The following ARHGEF17 variants were observed in gnomAD, a reference collection of about 807,000 sequenced individuals.
The protein encoded by ARHGEF17 is 164 kDa Rho-specific guanine-nucleotide exchange factor.
ARHGEF17 carries 80 observed loss-of-function variants against 174.0 expected under a neutral mutation model. That is an observed-to-expected ratio of 0.46 (90% CI 0.38 to 0.55). ARHGEF17 has a LOEUF of 0.55. Among genes scored for constraint, ARHGEF17 ranks in the 20% least tolerant of loss-of-function variants. The pLI is 0.00. For synonymous variants in ARHGEF17, 1,311 were observed against 1,189.1 expected, an observed-to-expected ratio of 1.10 and a Z score of -2.11; for missense variants, 2,886 against 2,839.7, an observed-to-expected ratio of 1.02 and a Z score of -0.37.
chr11:73,362,303 A>G (rs778829780), intron 13 of ARHGEF17, 64 bp downstream of exon 13: 295 of 1,457,420 alleles, frequency 2.0e-4, no homozygotes, highest in Non-Finnish European at 2.6e-4. Context: ...CTGTCCCAGC[A>G]CACTCTCAGG....
chr11:73,326,239 C>T (rs770938684), intron 1 of ARHGEF17, among the ~76,000 whole-genome samples: 1 of 152,136 alleles, frequency 6.6e-6, no homozygotes, highest in African/African-American at 2.4e-5. Flanking sequence ...GAAGGACTAG[C>T]CAGACCTTGA....
chr11:73,365,863 G>A lies in ARHGEF17; in HGVS notation c.5911G>A (p.Gly1971Ser), dbSNP rs1283214863. The A allele has an allele frequency of 3.1e-6, 5 of 1,611,988 alleles. No individual in the cohort carries two copies. Among genetic ancestry groups the A allele is most frequent in the South Asian group, 1.1e-5 (1 of 91,078 alleles). Residue 1971 changes from glycine (G) to serine (S), a missense_variant, in exon 20 of 21, where the codon GGC becomes AGC. Gly to Ser is a moderately conservative substitution (Grantham distance 56). Around this residue, in one of 4 missense-constraint regions of ARHGEF17, gnomAD observed 329 missense variants for 435.2 expected, o/e 0.76. Transcript: ENST00000263674. This position sits in a 1 kb window ranked among gnomAD's most constrained non-coding sequence, Gnocchi z 4.9. The stretch of plus-strand genomic sequence containing the variant: ...CACAGGCCTCGGCCAGGGACACACC[G>A]GCCACGTCCGCTTCTTGGCTGCAGT... ...SPTGLGQGHT[G>S]HVRFLAAVQL... is the part of the protein sequence containing the mutation.
chr11:73,352,917 C>T lies in ARHGEF17; in HGVS notation c.3358C>T (p.Leu1120Phe). ...VDEIFDQIPE[L>F]LEHHEQFLEQ... ...CGAGATCTTCGACCAGATCCCCGAG[C>T]TCCTGGAGCACCACGAGCAATTCCT... The change falls in exon 3 of 21, where the codon CTC (leucine) becomes TTC (phenylalanine). Residue 1120 changes from leucine (L) to phenylalanine (F), a missense_variant. Leu to Phe is a conservative substitution (Grantham distance 22). Transcript: ENST00000263674. 6.2e-7 allele frequency: 1 copy of T among 1,614,158 alleles called. No individual in the cohort carries two copies. Among genetic ancestry groups the T allele is most frequent in the Non-Finnish European group, 8.5e-7 (1 of 1,180,034 alleles).
In ARHGEF17 at chr11:73,362,112, G is replaced by A. The variant is rs769514298; in HGVS notation, c.4567G>A (p.Gly1523Ser). 6 of 1,612,326 alleles carry A rather than the reference G, an allele frequency of 3.7e-6. No individual in the cohort carries two copies. In the Admixed American group the frequency reaches 5.0e-5, roughly 13 times the overall value. ...SPEVWVCNSD[G>S]YVGQVCLLSL... is the part of the protein sequence containing the mutation. ...TGAGGTATGGGTCTGCAACAGCGAC[G>A]GCTACGTGGGCCAGGTGTGCCTGCT... is the stretch of plus-strand genomic sequence containing the variant. Residue 1523 changes from glycine to serine, a missense_variant, in exon 13 of 21, where the codon GGC (glycine) becomes AGC (serine). Coordinates refer to ENST00000263674, the MANE Select transcript of ARHGEF17 (RefSeq NM_014786.4).
chr11:73,342,124 G>A (rs1865379647), intron 1 of ARHGEF17, among the ~76,000 whole-genome samples: 1 of 151,360 alleles, frequency 6.6e-6, no homozygotes, highest in Non-Finnish European at 1.5e-5. Context: ...AGGGGTGGGA[G>A]CACAGTCTAG....
In ARHGEF17 at chr11:73,359,943, C is replaced by T. The variant is rs1222904447; in HGVS notation, c.4197C>T (p.Phe1399=). The change falls in exon 10 of 21, where the codon TTC becomes TTT. Residue 1399 remains phenylalanine (F), a synonymous_variant. Transcript: ENST00000263674. ...GCAAGCTCTCTGAGAGCCTTGGTTT[C>T]CCCCACCAGGTCTGTGCCCTCTGCC... The part of the protein sequence containing the change: ...QMSKLSESLG[F]PHQSLDDALR... The T allele has an allele frequency of 6.2e-7, 1 of 1,609,164 alleles. No individual in the cohort carries two copies. Among genetic ancestry groups the T allele is most frequent in the Non-Finnish European group, 8.5e-7 (1 of 1,177,636 alleles).
intron 1 of ARHGEF17, among the ~76,000 whole-genome samples, chr11:73,326,303 C>A (rs1287743999): frequency 1.3e-5 from 2 of 152,080 alleles, no homozygotes; most frequent in Non-Finnish European, 2.9e-5. Flanking sequence ...AAGGTAGAGG[C>A]CTGTGATGGA....
At chr11:73,343,012 T>C (rs1298482078) in intron 1 of ARHGEF17, 3 of 249,248 alleles carry the variant, frequency 1.2e-5, no homozygotes, top group Non-Finnish European at 2.3e-5. Context: ...CGACCGCCAC[T>C]GCGGCTGCCG....
At position 73,309,326 on chromosome 11, in the gene ARHGEF17, T is replaced by A; in HGVS notation, c.688T>A (p.Ser230Thr). The change falls in exon 1 of 21, where the codon TCC (serine) becomes ACC (threonine). Residue 230 changes from serine to threonine, a missense_variant. Transcript: ENST00000263674. ...FSQPQAGARA[S>T]CSSSSIAASY... ...CCAACCGCAGGCCGGGGCCCGGGCCTCCTGCTCCTCCTCCTCCATCGCCGC... is the reference window on the plus strand; with the variant it reads ...CCAACCGCAGGCCGGGGCCCGGGCCACCTGCTCCTCCTCCTCCATCGCCGC... 1 of 1,588,468 alleles carries A rather than the reference T, an allele frequency of 6.3e-7. No homozygotes were observed. The highest frequency in any genetic ancestry group is 8.5e-7 in the Non-Finnish European group (1 of 1,176,238).
In ARHGEF17 at chr11:73,309,321, G is replaced by A. The variant is rs780912496; in HGVS notation, c.683G>A (p.Arg228Gln). The change falls in exon 1 of 21, where the codon CGG becomes CAG. Residue 228 changes from arginine (R) to glutamine (Q), a missense_variant. By Grantham distance (43) the Arg-to-Gln change is conservative. Transcript: ENST00000263674. ...TTCTCCCAACCGCAGGCCGGGGCCC[G>A]GGCCTCCTGCTCCTCCTCCTCCATC... is the stretch of plus-strand genomic sequence containing the variant. ...HIFSQPQAGARASCSSSSIAA... is the reference protein window; with the variant it reads ...HIFSQPQAGAQASCSSSSIAA... 6 of 1,595,198 alleles carry A rather than the reference G, an allele frequency of 3.8e-6. No homozygotes were observed. In the South Asian group the frequency reaches 6.6e-5, roughly 18 times the overall value.
rs1338411438 is a variant in ARHGEF17 at position 73,365,401 on chromosome 11, C to T, written c.5562C>T (p.Tyr1854=). Residue 1854 remains tyrosine (Y), a synonymous_variant, in exon 19 of 21, where the codon TAC becomes TAT. Coordinates refer to ENST00000263674, the MANE Select transcript of ARHGEF17 (RefSeq NM_014786.4). The surrounding 1 kb of genome is among the most constrained non-coding windows in gnomAD (Gnocchi z 4.9). ...PDTLQLEHMF[Y]VGQDSSRCVA... ...CCCGCCTTCCCCAGCACATGTTTTA[C>T]GTGGGTCAGGATTCAAGCCGCTGCG... The T allele has an allele frequency of 6.2e-6, 10 of 1,613,924 alleles. No homozygotes were observed. Among genetic ancestry groups the T allele is most frequent in the East Asian group, 2.2e-5 (1 of 44,886 alleles).
rs116657863 is a variant in ARHGEF17, at chr11:73,329,087, G to A, written c.3192+17257G>A. On this transcript the variant is annotated intron_variant, in intron 1 of 20. Coordinates refer to ENST00000263674, the MANE Select transcript of ARHGEF17 (RefSeq NM_014786.4). Reference sequence around the variant, plus strand: ...AATAGATGATATATTCACATGGTTAGGAAAAATCCAAAAGGATAAAAAGTC... The same window carrying A: ...AATAGATGATATATTCACATGGTTAAGAAAAATCCAAAAGGATAAAAAGTC... Among the ~76,000 whole-genome samples the A allele has an allele frequency of 5.2e-3, 789 of 151,472 alleles. 7 individuals carry two copies. The highest frequency in any genetic ancestry group is 0.018 in the African/African-American group (760 of 41,202).
chr11:73,329,195 T>C (rs1865151033), intron 1 of ARHGEF17, among the ~76,000 whole-genome samples: 1 of 150,582 alleles, frequency 6.6e-6, no homozygotes, highest in Non-Finnish European at 1.5e-5. Context: ...TCCTTTTATC[T>C]GCAAACACCA....
At position 73,321,388 on chromosome 11, in the gene ARHGEF17, G is replaced by A. The variant is rs542518904; in HGVS notation, c.3192+9558G>A. On this transcript the variant is annotated intron_variant, in intron 1 of 20. Coordinates refer to ENST00000263674, the MANE Select transcript of ARHGEF17 (RefSeq NM_014786.4). ...ATCAAAGCTGCCCCTCACTGGAAGCGGCCTGTGAAGTGGGGCTCAGTGAGT... is the reference window on the plus strand; with the variant it reads ...ATCAAAGCTGCCCCTCACTGGAAGCAGCCTGTGAAGTGGGGCTCAGTGAGT... Among the ~76,000 whole-genome samples the A allele has an allele frequency of 2.2e-4, 33 of 152,340 alleles. 1 individual carries two copies. In the South Asian group the frequency reaches 6.0e-3, roughly 28 times the overall value.
chr11:73,363,611 G>A, intron 15 of ARHGEF17, 136 bp from the exon 16 acceptor site: 1 of 1,491,958 alleles, frequency 6.7e-7, no homozygotes, highest in East Asian at 2.3e-5. Context: ...CAATCCCAGG[G>A]AGGCTGTGGG....
chr11:73,315,742 C>G (rs1408540866), intron 1 of ARHGEF17, among the ~76,000 whole-genome samples: 2 of 152,174 alleles, frequency 1.3e-5, no homozygotes, highest in Non-Finnish European at 2.9e-5. Flanking sequence ...AGGGCCTGGG[C>G]TCTTGGGGGG....
intron 13 of ARHGEF17, 61 bp from the exon 14 acceptor site, chr11:73,362,372 T>A: frequency 6.8e-7 from 1 of 1,464,288 alleles, no homozygotes; most frequent in South Asian, 1.4e-5. Context: ...GGTGGGCGTG[T>A]CCACCACCGG....
chr11:73,361,445 G>A lies in ARHGEF17; in HGVS notation c.4494+284G>A, dbSNP rs183608384. 1.0e-3 allele frequency among the ~76,000 whole-genome samples: 156 copies of A among 152,302 alleles called. 1 individual carries two copies. Among genetic ancestry groups the A allele is most frequent in the African/African-American group, 3.7e-3 (152 of 41,550 alleles). On this transcript the variant is annotated intron_variant, in intron 12 of 20. Transcript: ENST00000263674. ...TGCTTGTATGAGGCTGCATACATAT[G>A]TACAGAGGTTACCAGCATCACATTT...
chr11:73,356,299 G>T lies in ARHGEF17; in HGVS notation c.3788G>T (p.Arg1263Leu). ...GTGCGGAGTGCCGAGGAGGCGGAGC[G>T]CCATGCCCGTGTGCTGCAGGAGATA... Reference protein sequence around the residue: ...KGVRSAEEAERHARVLQEIEA... With the variant: ...KGVRSAEEAELHARVLQEIEA... The change falls in exon 6 of 21, where the codon CGC (arginine) becomes CTC (leucine). Residue 1263 changes from arginine to leucine, a missense_variant. Transcript: ENST00000263674. 1.2e-6 allele frequency: 2 copies of T among 1,613,328 alleles called. No homozygotes were observed. The highest frequency in any genetic ancestry group is 1.3e-5 in the African/African-American group (1 of 75,038).
Sources: gnomAD v4.1 joint callset for allele counts (sites outside exome capture counted in the v4.1 genomes callset) on GRCh38, gnomAD v4.1.1 for gene constraint, gnomAD v4.1.1 regional missense constraint, Gnocchi (gnomAD v3.1) non-coding constraint, MANE v1.5 for transcripts, NCBI Gene and HGNC (gene_info 2026-07-23, HGNC 2026-07-21) for gene names.